GPC5: variants seen among roughly 807,000 people sequenced by gnomAD.
The protein encoded by GPC5 is glypican 5.
GPC5 carries 47 observed loss-of-function variants against 53.9 expected under a neutral mutation model. That is an observed-to-expected ratio of 0.87 (90% CI 0.69 to 1.11). The LOEUF is 1.11. Ranked by LOEUF, GPC5 falls within the 50% of genes most tolerant of loss-of-function variation. The pLI is 0.00. For synonymous variants in GPC5, 286 were observed against 263.3 expected, an observed-to-expected ratio of 1.09 and a Z score of -0.84; for missense variants, 748 against 713.1, an observed-to-expected ratio of 1.05 and a Z score of -0.56.
At chr13:92,259,549 C>A (rs1322331788) in intron 7 of GPC5, among the ~76,000 whole-genome samples, 1 of 152,010 alleles carries the variant, frequency 6.6e-6, no homozygotes, top group East Asian at 1.9e-4. Flanking sequence ...AATAGTCTAC[C>A]CTATCATTCC....
intron 6 of GPC5, among the ~76,000 whole-genome samples, chr13:91,989,401 T>C (rs1322957575): frequency 6.6e-6 from 1 of 152,154 alleles, no homozygotes; most frequent in South Asian, 2.1e-4. Context: ...AAAGAAGAAA[T>C]TGAACTGATG....
At chr13:92,456,019 C>A (rs536770757) in intron 7 of GPC5, among the ~76,000 whole-genome samples, 1 of 152,198 alleles carries the variant, frequency 6.6e-6, no homozygotes, top group Admixed American at 6.5e-5. Context: ...AATGCTAACA[C>A]ATTTTTCTTT....
intron 7 of GPC5, among the ~76,000 whole-genome samples, chr13:92,384,516 C>G (rs1278960745): frequency 6.6e-6 from 1 of 152,026 alleles, no homozygotes. Flanking sequence ...TAGTTTTATT[C>G]TATGATATTT....
At chr13:92,362,552 T>C (rs913211116) in intron 7 of GPC5, among the ~76,000 whole-genome samples, 2 of 151,732 alleles carry the variant, frequency 1.3e-5, no homozygotes, top group East Asian at 3.9e-4. Context: ...CAGTTATAAG[T>C]GAGGGTTATA....
chr13:91,424,165 G>A (rs555919831), intron 1 of GPC5, among the ~76,000 whole-genome samples: 1 of 152,232 alleles, frequency 6.6e-6, no homozygotes, highest in African/African-American at 2.4e-5. Context: ...TAGTGGATCA[G>A]GATAGGACCT....
At chr13:92,565,023 C>T (rs1882820298) in intron 7 of GPC5, among the ~76,000 whole-genome samples, 1 of 152,002 alleles carries the variant, frequency 6.6e-6, no homozygotes, top group Non-Finnish European at 1.5e-5. Context: ...TTCTTGTATT[C>T]ACTTTTAGGC....
chr13:91,933,246 C>T (rs1183009000), intron 6 of GPC5, among the ~76,000 whole-genome samples: 3 of 151,944 alleles, frequency 2.0e-5, no homozygotes, highest in African/African-American at 7.2e-5. Context: ...GTTTAACCTA[C>T]TCAACATGTG....
chr13:91,840,830 C>T (rs1338293332), intron 5 of GPC5, among the ~76,000 whole-genome samples: 2 of 151,338 alleles, frequency 1.3e-5, no homozygotes, highest in African/African-American at 2.4e-5. Context: ...GGGACATATT[C>T]CTGAATTACG....
intron 7 of GPC5, among the ~76,000 whole-genome samples, chr13:92,331,329 G>A (rs1365487624): frequency 1.3e-5 from 2 of 151,972 alleles, no homozygotes; most frequent in Admixed American, 6.6e-5. Flanking sequence ...AATGAATAAC[G>A]TCTGCAGGTT....
chr13:92,660,568 A>T (rs1373966791), intron 7 of GPC5, among the ~76,000 whole-genome samples: 1 of 140,546 alleles, frequency 7.1e-6, no homozygotes, highest in Admixed American at 7.0e-5. Context: ...CTCTTTTCAC[A>T]TATTTTTTTT....
In GPC5 at chr13:92,446,247, C is replaced by G. The variant is rs1271471709; in HGVS notation, c.1561+301258C>G. ...ATTTCACCTTCTCTGCCTTAACCCCCTGGTACCCTTCCCAGCCTCTGGTAA... is the reference window on the plus strand; with the variant it reads ...ATTTCACCTTCTCTGCCTTAACCCCGTGGTACCCTTCCCAGCCTCTGGTAA... On this transcript the variant is annotated intron_variant, in intron 7 of 7. Coordinates refer to ENST00000377067, the MANE Select transcript of GPC5 (RefSeq NM_004466.6). Among the ~76,000 whole-genome samples, 3 of 151,724 alleles carry G rather than the reference C, an allele frequency of 2.0e-5. No homozygotes were observed. The East Asian group carries it at 5.8e-4, about 29-fold the overall frequency.
chr13:92,456,651 G>T (rs922445085), intron 7 of GPC5, among the ~76,000 whole-genome samples: 11 of 152,110 alleles, frequency 7.2e-5, no homozygotes, highest in Non-Finnish European at 1.6e-4. Flanking sequence ...CAGCTGCTCA[G>T]ACTGCTCATC....
intron 2 of GPC5, among the ~76,000 whole-genome samples, chr13:91,621,775 A>ATATATATC (rs2033865525): frequency 2.9e-5 from 1 of 33,932 alleles, no homozygotes; most frequent in South Asian, 1.3e-3. Context: ...ATATATATAT[A>ATATATATC]TATATATATA....
intron 5 of GPC5, among the ~76,000 whole-genome samples, chr13:91,849,964 A>C (rs2038894934): frequency 6.6e-6 from 1 of 152,230 alleles, no homozygotes; most frequent in African/African-American, 2.4e-5. Flanking sequence ...ACTGTCTCAC[A>C]GACTAGAGGC....
At chr13:92,737,566 A>G (rs1369846399) in intron 7 of GPC5, among the ~76,000 whole-genome samples, 4 of 152,090 alleles carry the variant, frequency 2.6e-5, no homozygotes, top group Non-Finnish European at 4.4e-5. Flanking sequence ...TCAAATGGAT[A>G]TAACTTACAA....
intron 7 of GPC5, among the ~76,000 whole-genome samples, chr13:92,580,455 A>G (rs1040175225): frequency 6.6e-6 from 1 of 152,186 alleles, no homozygotes. Context: ...CATGAAAAAC[A>G]TATAAATATA....
chr13:91,961,166 C>T (rs1226849091), intron 6 of GPC5, among the ~76,000 whole-genome samples: 1 of 151,758 alleles, frequency 6.6e-6, no homozygotes, highest in Non-Finnish European at 1.5e-5. Flanking sequence ...TGGCTAATGT[C>T]CAGAATATAA....
At chr13:91,669,186 G>C (rs1246692138) in intron 2 of GPC5, among the ~76,000 whole-genome samples, 1 of 150,484 alleles carries the variant, frequency 6.6e-6, no homozygotes, top group East Asian at 2.1e-4. Context: ...TTGTATTACT[G>C]TGCCCCCCCG....
chr13:92,672,393 G>T (rs1886783169), intron 7 of GPC5, among the ~76,000 whole-genome samples: 1 of 152,104 alleles, frequency 6.6e-6, no homozygotes, highest in African/African-American at 2.4e-5. Context: ...ACAGATGATG[G>T]CAAAGTTGTG....
Sources: allele counts gnomAD v4.1 joint callset (sites outside exome capture counted in the v4.1 genomes callset), GRCh38; gene constraint gnomAD v4.1.1; transcripts MANE v1.5; gene names NCBI Gene and HGNC (gene_info 2026-07-23, HGNC 2026-07-21).